Variants in SQLE observed in about 807,000 individuals in gnomAD.
SQLE encodes squalene monooxygenase.
Under a neutral mutation model 60.7 loss-of-function variants are expected in SQLE, and 29 were observed. That is an observed-to-expected ratio of 0.48 (90% CI 0.36 to 0.65). SQLE has a LOEUF of 0.65. Ranked by LOEUF, SQLE falls within the 30% of genes least tolerant of loss-of-function variation. The pLI, the probability that SQLE is intolerant of heterozygous loss-of-function variation, is 0.00. For synonymous variants in SQLE, 237 were observed against 246.8 expected (o/e 0.96, Z 0.37); for missense variants, 605 against 684.1 (o/e 0.88, Z 1.29).
At chr8:125,002,359 G>A (rs1814868477) in intron 1 of SQLE, among the ~76,000 whole-genome samples, 2 of 152,288 alleles carry the variant, frequency 1.3e-5, no homozygotes, top group African/African-American at 2.4e-5. Flanking sequence ...TGAAAATCCA[G>A]AAAGAGAAAA....
Position 125,016,310 on chromosome 8 carries a change from TCTC to T in SQLE, c.1205-1745_1205-1743del, listed in dbSNP as rs1254598083. Among the ~76,000 whole-genome samples, 1 of 152,138 alleles carries T rather than the reference TCTC, an allele frequency of 6.6e-6. No homozygotes were observed. The highest frequency in any genetic ancestry group is 1.5e-5 in the Non-Finnish European group (1 of 68,026). The stretch of plus-strand genomic sequence containing the variant: ...TTCTTGATTATTCTTTTTTCTTTTG[TCTC>T]CTCTGTGTATTTTCAAATAGCCTGT... On this transcript the variant is annotated intron_variant, in intron 7 of 10. Coordinates refer to ENST00000265896, the MANE Select transcript of SQLE (RefSeq NM_003129.4). This position sits in a 1 kb window ranked among gnomAD's most constrained non-coding sequence, Gnocchi z 4.1.
intron 7 of SQLE, among the ~76,000 whole-genome samples, chr8:125,013,343 A>G (rs1356174655): frequency 4.8e-5 from 5 of 104,252 alleles, no homozygotes; most frequent in African/African-American, 1.4e-4. Context: ...ATTTACTCCT[A>G]TGTTTTCTTT....
At position 125,021,842 on chromosome 8, in the gene SQLE, T is replaced by C; in HGVS notation, c.1622T>C (p.Ile541Thr). Residue 541 changes from isoleucine (I) to threonine (T), a missense_variant, in exon 11 of 11, where the codon ATT (isoleucine) becomes ACT (threonine). Physicochemically the swap from Ile to Thr is moderately conservative, Grantham distance 89. Transcript: ENST00000265896. ...TTTTGCTTTAAGTCAGAACCTTGGA[T>C]TACAAAACCTCGAGCCCTTCTCAGT... ...VYFCFKSEPW[I>T]TKPRALLSSG... The C allele has an allele frequency of 6.2e-7, 1 of 1,610,756 alleles. No homozygotes were observed. Among genetic ancestry groups the C allele is most frequent in the Non-Finnish European group, 8.5e-7 (1 of 1,178,212 alleles).
intron 7 of SQLE, 92 bp from the exon 8 acceptor site, chr8:125,017,967 C>T (rs1586320038): frequency 7.3e-7 from 1 of 1,364,952 alleles, no homozygotes; most frequent in East Asian, 2.3e-5. Flanking sequence ...TTATTATTAG[C>T]TTACATCAGT....
intron 6 of SQLE, among the ~76,000 whole-genome samples, 158 bp downstream of exon 6, chr8:125,009,501 A>C (rs372218744): frequency 9.2e-5 from 14 of 152,228 alleles, no homozygotes; most frequent in East Asian, 5.8e-4. Flanking sequence ...CAAATTAATA[A>C]AAAAAAGTTT....
chr8:125,015,204 T>A (rs909340316), intron 7 of SQLE, among the ~76,000 whole-genome samples: 3 of 152,224 alleles, frequency 2.0e-5, no homozygotes, highest in Non-Finnish European at 4.4e-5. Flanking sequence ...TTTACTGATG[T>A]AAATATCACT....
intron 2 of SQLE, among the ~76,000 whole-genome samples, chr8:125,004,004 A>G (rs1814908117): frequency 6.6e-6 from 1 of 151,994 alleles, no homozygotes; most frequent in Non-Finnish European, 1.5e-5. Context: ...TGACCTAATC[A>G]CCTTCTAAAG....
chr8:125,017,159 C>T (rs1815123135), intron 7 of SQLE, among the ~76,000 whole-genome samples: 1 of 152,048 alleles, frequency 6.6e-6, no homozygotes, highest in Admixed American at 6.6e-5. Context: ...AAGAGCTCTA[C>T]AGTCAGCACA....
chr8:124,998,662 C>A lies in SQLE; in HGVS notation c.-742C>A. The A allele has an allele frequency of 1.5e-6, 1 of 663,930 alleles. No homozygotes were observed. Among genetic ancestry groups the A allele is most frequent in the Non-Finnish European group, 2.7e-6 (1 of 365,522 alleles). The allele number at this position is 663,930 out of a possible 1,614,324, so 41.1% of individuals were successfully genotyped here. A position where few individuals can be genotyped will look rare whatever the true frequency, so the allele number is the denominator to read the frequency against. The stretch of plus-strand genomic sequence containing the variant: ...TCTGAGGGAGGTACCCTGGAAACCA[C>A]CTTTTATCGGTGGGGAAGTGCAGTC... On this transcript the variant is annotated 5_prime_UTR_variant, in exon 1 of 11. Transcript: ENST00000265896.
intron 2 of SQLE, among the ~76,000 whole-genome samples, chr8:125,005,007 T>C (rs1053623316): frequency 6.6e-6 from 1 of 152,206 alleles, no homozygotes; most frequent in Non-Finnish European, 1.5e-5. Context: ...TAGTATGTAA[T>C]CATCAACAGT....
At chr8:125,012,590 C>T (rs1815053981) in intron 7 of SQLE, among the ~76,000 whole-genome samples, 1 of 152,186 alleles carries the variant, frequency 6.6e-6, no homozygotes, top group South Asian at 2.1e-4. Context: ...TTCAGTTCTT[C>T]ATTTGTTTTT....
intron 7 of SQLE, among the ~76,000 whole-genome samples, chr8:125,013,117 T>C (rs1019155926): frequency 5.3e-5 from 8 of 152,196 alleles, no homozygotes; most frequent in African/African-American, 1.9e-4. Context: ...TATGTATTGT[T>C]GAGTTTCAAG....
In SQLE at chr8:125,016,002, C is replaced by G. The variant is rs1815107049; in HGVS notation, c.1205-2057C>G. 6.6e-6 allele frequency among the ~76,000 whole-genome samples: 1 copy of G among 152,092 alleles called. No individual in the cohort carries two copies. Among genetic ancestry groups the G allele is most frequent in the Non-Finnish European group, 1.5e-5 (1 of 68,026 alleles). The stretch of plus-strand genomic sequence containing the variant: ...CTCCATTGTTTGTTGTTTCCTTTCT[C>G]TTGTTGCTCTTAGGATCTTTTCTAT... On this transcript the variant is annotated intron_variant, in intron 7 of 10. Transcript: ENST00000265896. This position sits in a 1 kb window ranked among gnomAD's most constrained non-coding sequence, Gnocchi z 4.1.
rs546110302 is a variant in SQLE, at chr8:125,012,147, A to C, written c.1204+515A>C. Among the ~76,000 whole-genome samples the C allele has an allele frequency of 1.2e-4, 19 of 152,256 alleles. No homozygotes were observed. In the East Asian group the frequency reaches 3.7e-3, roughly 29 times the overall value. On this transcript the variant is annotated intron_variant, in intron 7 of 10. Transcript: ENST00000265896. ...AAATGGTGGCACTTTCAAGGAACTC[A>C]AGCAGTTTCCTATGGCAGGAGCATA...
intron 1 of SQLE, among the ~76,000 whole-genome samples, chr8:125,000,265 A>G (rs1814821329): frequency 6.6e-6 from 1 of 152,208 alleles, no homozygotes; most frequent in Non-Finnish European, 1.5e-5. Flanking sequence ...ATAAGGGTGT[A>G]GTTGGGATTC....
intron 1 of SQLE, among the ~76,000 whole-genome samples, chr8:125,002,154 A>T (rs1482415841): frequency 6.6e-6 from 1 of 152,164 alleles, no homozygotes; most frequent in Non-Finnish European, 1.5e-5. Flanking sequence ...GGGAAAAAGG[A>T]GGGATAAATT....
intron 7 of SQLE, among the ~76,000 whole-genome samples, chr8:125,017,107 G>C (rs1182322650): frequency 6.6e-6 from 1 of 152,006 alleles, no homozygotes; most frequent in Non-Finnish European, 1.5e-5. Flanking sequence ...AAAGGCTTGT[G>C]GTGATGACTG....
rs199727991 is a variant in SQLE, at chr8:125,009,041, A to T, written c.893A>T (p.Asn298Ile). 1 of 1,603,958 alleles carries T rather than the reference A, an allele frequency of 6.2e-7. No individual in the cohort carries two copies. Among genetic ancestry groups the T allele is most frequent in the Non-Finnish European group, 8.5e-7 (1 of 1,176,194 alleles). The stretch of plus-strand genomic sequence containing the variant: ...AAGTTCAGGAAAAGCCTGGTCTCCA[A>T]TAAAGTTTCTGTATCATCTCATTTT... ...FSKFRKSLVS[N>I]KVSVSSHFVG... Residue 298 changes from asparagine (N) to isoleucine (I), a missense_variant, in exon 5 of 11, where the codon AAT (asparagine) becomes ATT (isoleucine). Coordinates refer to ENST00000265896, the MANE Select transcript of SQLE (RefSeq NM_003129.4).
intron 6 of SQLE, among the ~76,000 whole-genome samples, chr8:125,010,398 A>C (rs552425035): frequency 6.6e-5 from 10 of 152,212 alleles, no homozygotes; most frequent in Non-Finnish European, 1.3e-4. Flanking sequence ...AAAGTAAAAA[A>C]AATTTAAGAA....
Sources: allele counts gnomAD v4.1 joint callset (sites outside exome capture counted in the v4.1 genomes callset), GRCh38; gene constraint gnomAD v4.1.1; non-coding constraint Gnocchi (gnomAD v3.1); transcripts MANE v1.5; gene names NCBI Gene and HGNC (gene_info 2026-07-23, HGNC 2026-07-21).